Variants in BBS4 observed in about 807,000 individuals in gnomAD.
BBS4 encodes Bardet-Biedl syndrome 4, also known as BBSome complex member BBS4.
Under a neutral mutation model 71.4 loss-of-function variants are expected in BBS4, and 58 were observed. The ratio of observed to expected loss-of-function variants is 0.81; its 90% CI spans 0.66 to 1.01. The LOEUF (loss-of-function observed/expected upper bound fraction) is 1.01, where lower values mean the gene tolerates loss of function less well. Ranked by LOEUF, BBS4 falls within the 50% of genes least tolerant of loss-of-function variation. BBS4 has a pLI of 0.00. For missense variants in BBS4, 660 were observed against 607.9 expected (o/e 1.09, Z -0.90); for synonymous variants, 228 against 216.8 (o/e 1.05, Z -0.46).
At chr15:72,709,544 A>C (rs1457722077) in intron 2 of BBS4, among the ~76,000 whole-genome samples, 156 bp from the exon 3 acceptor site, 2 of 152,138 alleles carry the variant, frequency 1.3e-5, no homozygotes, top group Non-Finnish European at 2.9e-5. Flanking sequence ...ATAGTCTATA[A>C]ATTTTTGATG....
At chr15:72,708,731 AT>A (rs1332527103) in intron 2 of BBS4, among the ~76,000 whole-genome samples, 1 of 152,128 alleles carries the variant, frequency 6.6e-6, no homozygotes, top group African/African-American at 2.4e-5. Context: ...AATTTTAATA[AT>A]ACTCTGGAGA....
At chr15:72,713,303 A>C (rs746445635) in intron 4 of BBS4, among the ~76,000 whole-genome samples, 1 of 140,142 alleles carries the variant, frequency 7.1e-6, no homozygotes, top group Non-Finnish European at 1.5e-5. Flanking sequence ...TGACCCATCT[A>C]AGGTCTTTGT....
At chr15:72,697,064 C>G (rs545650020) in intron 2 of BBS4, among the ~76,000 whole-genome samples, 1 of 152,260 alleles carries the variant, frequency 6.6e-6, no homozygotes, top group South Asian at 2.1e-4. Flanking sequence ...TCCCAAGTAG[C>G]TGGGATTATC....
At chr15:72,701,218 C>T (rs2065163357) in intron 2 of BBS4, among the ~76,000 whole-genome samples, 1 of 152,158 alleles carries the variant, frequency 6.6e-6, no homozygotes, top group Non-Finnish European at 1.5e-5. Context: ...TGGAATCATG[C>T]AGTGTGTACT....
Position 72,724,552 on chromosome 15 carries a change from C to G in BBS4, c.484C>G (p.Leu162Val). ...NKAQDQLHNA[L>V]NLNRHDLTYI... is the part of the protein sequence containing the mutation. ...GGCACAAGACCAGTTGCACAATGCC[C>G]TGAATCTTAATAGGCACGATCTGAC... Residue 162 changes from leucine (L) to valine (V), a missense_variant, in exon 8 of 16, where the codon CTG becomes GTG. Transcript: ENST00000268057. 6.2e-7 allele frequency: 1 copy of G among 1,614,028 alleles called. No individual in the cohort carries two copies.
In BBS4 at chr15:72,736,758, C is replaced by T; in HGVS notation, c.1249-4C>T. ...GATTCTTTTACTTCCTTTGTGGACA[C>T]AAGATGGTGGAGATGGCTCAGAAGT... is the stretch of plus-strand genomic sequence containing the variant. On this transcript the variant is annotated splice_polypyrimidine_tract_variant and splice_region_variant and intron_variant, in intron 14 of 15. Coordinates refer to ENST00000268057, the MANE Select transcript of BBS4 (RefSeq NM_033028.5). 1 of 1,614,128 alleles carries T rather than the reference C, an allele frequency of 6.2e-7. No individual in the cohort carries two copies. Among genetic ancestry groups the T allele is most frequent in the Non-Finnish European group, 8.5e-7 (1 of 1,180,008 alleles).
intron 2 of BBS4, among the ~76,000 whole-genome samples, chr15:72,701,571 G>T (rs1366912381): frequency 6.7e-6 from 1 of 150,196 alleles, no homozygotes; most frequent in African/African-American, 2.4e-5. Context: ...AAATAAAGGT[G>T]TACAAACGCA....
intron 2 of BBS4, among the ~76,000 whole-genome samples, chr15:72,705,587 C>CTTTTTTTTTTTTT (rs762708438): frequency 1.2e-5 from 1 of 86,862 alleles, no homozygotes; most frequent in Non-Finnish European, 2.1e-5. Flanking sequence ...ATGGCTTGTC[C>CTTTTTTTTTTTTT]TTTTTTTTTT....
At chr15:72,691,825 C>A (rs896144499) in intron 1 of BBS4, among the ~76,000 whole-genome samples, 1 of 151,984 alleles carries the variant, frequency 6.6e-6, no homozygotes, top group African/African-American at 2.4e-5. Context: ...TAGCAGGATG[C>A]GGTGCTGCGC....
intron 3 of BBS4, among the ~76,000 whole-genome samples, chr15:72,711,648 C>T (rs1482934621): frequency 6.6e-6 from 1 of 151,810 alleles, no homozygotes; most frequent in Non-Finnish European, 1.5e-5. Flanking sequence ...TTTTTATAAC[C>T]CTTTAGAAAT....
intron 1 of BBS4, among the ~76,000 whole-genome samples, chr15:72,692,304 A>ATTTTTTTT (rs398027909): frequency 1.7e-5 from 1 of 59,190 alleles, no homozygotes; most frequent in African/African-American, 6.7e-5. Context: ...TTACATTGCA[A>ATTTTTTTT]TTTTTTTTTT....
chr15:72,721,097 A>C (rs1567419514), intron 6 of BBS4, among the ~76,000 whole-genome samples: 1 of 152,192 alleles, frequency 6.6e-6, no homozygotes, highest in Non-Finnish European at 1.5e-5. Context: ...GCAGTATACA[A>C]GTTTTGGAAG....
intron 1 of BBS4, among the ~76,000 whole-genome samples, chr15:72,694,835 G>C (rs1050793718): frequency 2.0e-5 from 3 of 152,070 alleles, no homozygotes; most frequent in Non-Finnish European, 4.4e-5. Context: ...TTTTTGGTTT[G>C]GCTGCTGAGA....
At chr15:72,695,386 C>T (rs912566265) in intron 2 of BBS4, among the ~76,000 whole-genome samples, 158 bp downstream of exon 2, 1 of 152,048 alleles carries the variant, frequency 6.6e-6, no homozygotes, top group East Asian at 1.9e-4. Context: ...CTCTGGGGCT[C>T]AAGCAATTCT....
intron 6 of BBS4, among the ~76,000 whole-genome samples, chr15:72,720,756 G>T (rs1349013476): frequency 6.6e-6 from 1 of 152,142 alleles, no homozygotes; most frequent in Non-Finnish European, 1.5e-5. Flanking sequence ...AAGATTCCTC[G>T]TCTTAAGACT....
Position 72,714,269 on chromosome 15 carries a change from A to C in BBS4, c.221-1022A>C, listed in dbSNP as rs181737453. Among the ~76,000 whole-genome samples, 576 of 118,532 alleles carry C rather than the reference A, an allele frequency of 4.9e-3. 2 individuals carry two copies. Among genetic ancestry groups the C allele is most frequent in the Middle Eastern group, 0.017 (2 of 120 alleles). The allele number at this position is 118,532 out of a possible 152,430, so 77.8% of individuals were successfully genotyped here. On this transcript the variant is annotated intron_variant, in intron 4 of 15. Transcript: ENST00000268057. ...GAGACAGAGTCTTGCTCTGTTGCCC[A>C]GGCTGGAGTGCAGTGGTGCGATCCC...
intron 4 of BBS4, 104 bp downstream of exon 4, chr15:72,712,411 C>A: frequency 1.9e-6 from 2 of 1,061,438 alleles, no homozygotes; most frequent in Non-Finnish European, 2.9e-6. Context: ...CAGTCATGCA[C>A]CACTTAACAA....
chr15:72,686,353 G>T, intron 1 of BBS4, 102 bp downstream of exon 1: 1 of 1,542,298 alleles, frequency 6.5e-7, no homozygotes. Flanking sequence ...GCGGAGCTGG[G>T]TGCCGAGCGT....
At chr15:72,697,763 G>C (rs2065101406) in intron 2 of BBS4, among the ~76,000 whole-genome samples, 1 of 152,162 alleles carries the variant, frequency 6.6e-6, no homozygotes, top group Non-Finnish European at 1.5e-5. Flanking sequence ...CTCAGCTTGA[G>C]AGGTCCATAT....
Sources: allele counts gnomAD v4.1 joint callset (sites outside exome capture counted in the v4.1 genomes callset), GRCh38; gene constraint gnomAD v4.1.1; transcripts MANE v1.5; gene names NCBI Gene and HGNC (gene_info 2026-07-23, HGNC 2026-07-21).